The following VAV2 variants were observed in gnomAD, a reference collection of about 807,000 sequenced individuals.
VAV2 encodes vav guanine nucleotide exchange factor 2.
VAV2 carries 67 observed loss-of-function variants against 132.5 expected under a neutral mutation model. The observed-to-expected ratio is 0.51, with a 90% CI of 0.42 to 0.62. The LOEUF (loss-of-function observed/expected upper bound fraction) is 0.62. Ranked by LOEUF, VAV2 falls within the 20% of genes least tolerant of loss-of-function variation. VAV2 has a pLI of 0.00. For synonymous variants in VAV2, 492 were observed against 443.5 expected (o/e 1.11, Z -1.37); for missense variants, 938 against 1,153.6 (o/e 0.81, Z 2.71).
At chr9:133,821,963 T>C (rs1440836632) in intron 4 of VAV2, among the ~76,000 whole-genome samples, 2 of 152,190 alleles carry the variant, frequency 1.3e-5, no homozygotes, top group Non-Finnish European at 2.9e-5. Flanking sequence ...TCCCGACCAT[T>C]ATTTTTGTCC....
Position 133,939,118 on chromosome 9 carries a change from C to T in VAV2, c.306G>A (p.Val102=). ...ELFDPFDLFD[V]RDFGKVISAV... ...GACTGCTCACCTTTCCAAAGTCTCG[C>T]ACATCGAAGAGGTCAAAGGGGTCAA... Residue 102 remains valine (V), a synonymous_variant, in exon 2 of 30, where the codon GTG becomes GTA. Transcript: ENST00000371850. The T allele has an allele frequency of 1.2e-6, 2 of 1,614,188 alleles. No homozygotes were observed. Among genetic ancestry groups the T allele is most frequent in the East Asian group, 2.2e-5 (1 of 44,886 alleles).
At chr9:133,869,303 C>T (rs894073507) in intron 2 of VAV2, among the ~76,000 whole-genome samples, 49 of 152,074 alleles carry the variant, frequency 3.2e-4, no homozygotes, top group African/African-American at 1.1e-3. Context: ...TCTTAAACAA[C>T]GACAACAACA....
Position 133,788,323 on chromosome 9 carries a change from T to G in VAV2, c.1407+31A>C, listed in dbSNP as rs767284259. On this transcript the variant is annotated intron_variant, in intron 15 of 29. Transcript: ENST00000371850. This position sits in a 1 kb window ranked among gnomAD's most constrained non-coding sequence, Gnocchi z 5.3. Reference sequence around the variant, plus strand: ...TCTCTCCAGGCCACCCCCACGTTCCTGGGTAGCAGGGGGGACCCGGAAGGC... The same window carrying G: ...TCTCTCCAGGCCACCCCCACGTTCCGGGGTAGCAGGGGGGACCCGGAAGGC... 2.0e-6 allele frequency: 3 copies of G among 1,498,860 alleles called. No individual in the cohort carries two copies. Among genetic ancestry groups the G allele is most frequent in the South Asian group, 2.2e-5 (2 of 89,580 alleles). 92.8% of individuals were successfully genotyped at this position (1,498,860 alleles called of 1,614,324 possible). A position where few individuals can be genotyped will look rare whatever the true frequency, so the allele number is the denominator to read the frequency against.
intron 1 of VAV2, among the ~76,000 whole-genome samples, chr9:133,964,020 T>C (rs1272116174): frequency 8.6e-5 from 4 of 46,574 alleles, no homozygotes; most frequent in South Asian, 9.2e-4. Context: ...AAATTATTCA[T>C]TCATATATAT....
At chr9:133,873,910 G>A (rs982449092) in intron 2 of VAV2, among the ~76,000 whole-genome samples, 7 of 152,204 alleles carry the variant, frequency 4.6e-5, no homozygotes, top group East Asian at 1.9e-4. Flanking sequence ...CCTGAGGCTC[G>A]TCTCTCCCAG....
At chr9:133,791,716 T>C in intron 13 of VAV2, 67 bp downstream of exon 13, 1 of 1,392,514 alleles carries the variant, frequency 7.2e-7, no homozygotes, top group Non-Finnish European at 1.0e-6. Context: ...ATACTGGGGC[T>C]GTGAACGTGA....
At chr9:133,903,806 C>T (rs1839536810) in intron 2 of VAV2, among the ~76,000 whole-genome samples, 1 of 152,164 alleles carries the variant, frequency 6.6e-6, no homozygotes, top group Admixed American at 6.6e-5. Flanking sequence ...TCCACTTCGT[C>T]AGGTCCACAC....
intron 3 of VAV2, 103 bp downstream of exon 3, chr9:133,861,271 G>A (rs1199482325): frequency 3.1e-6 from 4 of 1,292,330 alleles, no homozygotes; most frequent in East Asian, 5.4e-5. Context: ...TAAAGACACA[G>A]GCAGAGGGCA....
intron 2 of VAV2, among the ~76,000 whole-genome samples, chr9:133,911,621 C>A (rs1346040475): frequency 6.6e-6 from 1 of 152,178 alleles, no homozygotes; most frequent in Non-Finnish European, 1.5e-5. Context: ...CAGTGTCACT[C>A]CTGAGGCCTA....
intron 26 of VAV2, among the ~76,000 whole-genome samples, chr9:133,771,010 C>T (rs1029386622): frequency 2.0e-5 from 3 of 151,330 alleles, no homozygotes; most frequent in Non-Finnish European, 2.9e-5. Context: ...GAGATGCCAA[C>T]GCTGGTTTCC....
intron 2 of VAV2, among the ~76,000 whole-genome samples, chr9:133,867,003 C>T (rs1234884814): frequency 6.6e-6 from 1 of 152,162 alleles, no homozygotes; most frequent in Non-Finnish European, 1.5e-5. Flanking sequence ...CTCCCTGAGC[C>T]TGTTTCCTCA....
At chr9:133,779,786 T>C (rs2131589470) in intron 21 of VAV2, 132 bp downstream of exon 21, 2 of 1,256,272 alleles carry the variant, frequency 1.6e-6, no homozygotes, top group South Asian at 1.5e-5. Flanking sequence ...GGGGCCCAGA[T>C]GGCAGCATCC....
intron 3 of VAV2, among the ~76,000 whole-genome samples, chr9:133,859,066 T>C (rs1253553096): frequency 6.6e-6 from 1 of 151,260 alleles, no homozygotes; most frequent in Non-Finnish European, 1.5e-5. Flanking sequence ...TTGGGTTGGC[T>C]GGGTGGAGGG....
chr9:133,862,282 G>C (rs572001331), intron 2 of VAV2, among the ~76,000 whole-genome samples: 1 of 152,366 alleles, frequency 6.6e-6, no homozygotes, highest in South Asian at 2.1e-4. Flanking sequence ...AGAGCAAGAG[G>C]CTCTGCAGAT....
intron 2 of VAV2, among the ~76,000 whole-genome samples, chr9:133,886,682 T>G (rs749407302): frequency 2.6e-5 from 4 of 152,182 alleles, no homozygotes; most frequent in Non-Finnish European, 5.9e-5. Context: ...GCGGGGCACC[T>G]GCACACATTA....
At chr9:133,853,049 G>A (rs192073541) in intron 3 of VAV2, among the ~76,000 whole-genome samples, 506 of 152,276 alleles carry the variant, frequency 3.3e-3, no homozygotes, top group Admixed American at 6.0e-3. Context: ...CGACATCCCA[G>A]GTCTAGGAGG....
chr9:133,870,895 A>G (rs1427336289), intron 2 of VAV2, among the ~76,000 whole-genome samples: 1 of 62,424 alleles, frequency 1.6e-5, no homozygotes, highest in Non-Finnish European at 2.9e-5. Flanking sequence ...GATATGGGTG[A>G]GTGCGTGGGT....
At chr9:133,868,052 G>A (rs953308641) in intron 2 of VAV2, among the ~76,000 whole-genome samples, 2 of 152,266 alleles carry the variant, frequency 1.3e-5, no homozygotes, top group East Asian at 3.8e-4. Context: ...TGGAGTGAGA[G>A]AGCCACTGGC....
chr9:133,956,165 G>A (rs1026367816), intron 1 of VAV2, among the ~76,000 whole-genome samples: 2 of 152,222 alleles, frequency 1.3e-5, no homozygotes, highest in South Asian at 2.1e-4. Flanking sequence ...TGAGAAGGAG[G>A]GAGCTTCCTC....
Sources: allele counts gnomAD v4.1 joint callset (sites outside exome capture counted in the v4.1 genomes callset), GRCh38; gene constraint gnomAD v4.1.1; non-coding constraint Gnocchi (gnomAD v3.1); transcripts MANE v1.5; gene names NCBI Gene and HGNC (gene_info 2026-07-23, HGNC 2026-07-21).